Variants in GAB2 observed in about 807,000 individuals in gnomAD.
GAB2 encodes GRB2 associated binding protein 2, also known as GRB2-associated-binding protein 2.
A neutral mutation model predicts 65.5 loss-of-function variants in GAB2; 26 were observed. The observed-to-expected ratio is 0.40, with a 90% CI of 0.29 to 0.55. The LOEUF (loss-of-function observed/expected upper bound fraction) is 0.55, where lower values mean the gene tolerates loss of function less well. Among genes scored for constraint, GAB2 ranks in the 20% least tolerant of loss-of-function variants. The pLI is 0.53. For missense variants in GAB2, 884 were observed against 875.8 expected, an observed-to-expected ratio of 1.01 and a Z score of -0.12; for synonymous variants, 321 against 329.6, an observed-to-expected ratio of 0.97 and a Z score of 0.28.
At chr11:78,277,205 C>T (rs1242202213) in intron 2 of GAB2, among the ~76,000 whole-genome samples, 1 of 152,204 alleles carries the variant, frequency 6.6e-6, no homozygotes, top group Non-Finnish European at 1.5e-5. Flanking sequence ...CCTCTAATCC[C>T]ACAAGAAAAT....
rs566474842 is a variant in GAB2, at chr11:78,280,940, A to G, written c.76-39T>C. 4 of 1,535,382 alleles carry G rather than the reference A, an allele frequency of 2.6e-6. No individual in the cohort carries two copies. The African/African-American group carries it at 4.1e-5, about 16-fold the overall frequency. On this transcript the variant is annotated intron_variant, in intron 1 of 9. Transcript: ENST00000361507. ...GGAAGGAGTAAGAAGAGGGGGAAGAAGTCATTAGTTATTTCAAAGCTTTTT... is the reference window on the plus strand; with the variant it reads ...GGAAGGAGTAAGAAGAGGGGGAAGAGGTCATTAGTTATTTCAAAGCTTTTT...
chr11:78,341,362 G>A (rs547275640), intron 1 of GAB2, among the ~76,000 whole-genome samples: 1 of 152,316 alleles, frequency 6.6e-6, no homozygotes, highest in South Asian at 2.1e-4. Context: ...TAGGGAATAA[G>A]TATAGAATAC....
chr11:78,228,145 T>C (rs1186890035), intron 3 of GAB2, among the ~76,000 whole-genome samples: 1 of 152,170 alleles, frequency 6.6e-6, no homozygotes, highest in Non-Finnish European at 1.5e-5. Flanking sequence ...TACGTCACAA[T>C]GATTTCTAAG....
intron 1 of GAB2, among the ~76,000 whole-genome samples, chr11:78,372,907 C>T (rs1334961009): frequency 2.0e-5 from 3 of 152,102 alleles, no homozygotes; most frequent in Admixed American, 6.6e-5. Context: ...GAAGATTCAG[C>T]GTGTCTTCCC....
intron 2 of GAB2, among the ~76,000 whole-genome samples, chr11:78,255,120 A>G (rs1865561931): frequency 6.6e-6 from 1 of 152,154 alleles, no homozygotes; most frequent in Non-Finnish European, 1.5e-5. Context: ...ACACAGAGAC[A>G]GAGAAACACA....
rs775195263 is a variant in GAB2 at position 78,280,873 on chromosome 11, C to T, written c.104G>A (p.Arg35Gln). Residue 35 changes from arginine (R) to glutamine (Q), a missense_variant, in exon 2 of 10, where the codon CGG becomes CAG. Coordinates refer to ENST00000361507, the MANE Select transcript of GAB2 (RefSeq NM_080491.3). ...TGGGTCACCGCTCATCCGGCCACTC[C>T]GCAGGATAAACCAGCGTTTCTTCCA... ...YAWKKRWFIL[R>Q]SGRMSGDPDV... 8.1e-6 allele frequency: 13 copies of T among 1,613,902 alleles called. No individual in the cohort carries two copies. The highest frequency in any genetic ancestry group is 2.2e-5 in the East Asian group (1 of 44,894).
chr11:78,408,973 C>T (rs1857090367), intron 1 of GAB2, among the ~76,000 whole-genome samples: 1 of 152,182 alleles, frequency 6.6e-6, no homozygotes, highest in African/African-American at 2.4e-5. Flanking sequence ...TAGTTCTTTA[C>T]AGCAGTGCGA....
chr11:78,377,284 T>A (rs1217104723), intron 1 of GAB2, among the ~76,000 whole-genome samples: 3 of 152,250 alleles, frequency 2.0e-5, no homozygotes, highest in African/African-American at 7.2e-5. Context: ...CAGTGTCTGG[T>A]GACGGCCCTT....
intron 1 of GAB2, among the ~76,000 whole-genome samples, chr11:78,379,150 T>C (rs1178348407): frequency 6.6e-6 from 1 of 152,254 alleles, no homozygotes; most frequent in East Asian, 1.9e-4. Context: ...ACTCCTCCTG[T>C]TCACATTACT....
At chr11:78,366,834 G>A (rs1326691203) in intron 1 of GAB2, among the ~76,000 whole-genome samples, 2 of 150,946 alleles carry the variant, frequency 1.3e-5, no homozygotes, top group South Asian at 2.1e-4. Flanking sequence ...AACTCAAATG[G>A]TTGCTTCTCA....
chr11:78,241,512 C>T (rs758648022), intron 3 of GAB2, among the ~76,000 whole-genome samples: 39 of 151,494 alleles, frequency 2.6e-4, no homozygotes, highest in Non-Finnish European at 3.8e-4. Flanking sequence ...AAAATAATGA[C>T]CTTAAGAAAA....
chr11:78,384,662 G>C (rs577980935), intron 1 of GAB2, among the ~76,000 whole-genome samples: 3 of 152,278 alleles, frequency 2.0e-5, no homozygotes, highest in Admixed American at 2.0e-4. Context: ...CTCTTGAGAG[G>C]AACAACAGTG....
intron 1 of GAB2, among the ~76,000 whole-genome samples, chr11:78,286,352 C>T (rs566736462): frequency 7.2e-5 from 11 of 152,030 alleles, no homozygotes; most frequent in Non-Finnish European, 1.6e-4. Context: ...ATTGACTCCC[C>T]CAGGTAGAGC....
At chr11:78,221,038 T>A (rs1454661069) in intron 8 of GAB2, among the ~76,000 whole-genome samples, 4 of 152,174 alleles carry the variant, frequency 2.6e-5, no homozygotes, top group African/African-American at 7.2e-5. Flanking sequence ...AAGCCCGCAT[T>A]TCTTCAGATG....
At chr11:78,324,818 C>T (rs1855793845) in intron 1 of GAB2, 1 of 152,202 alleles carries the variant, frequency 6.6e-6, no homozygotes, top group Non-Finnish European at 1.5e-5. Flanking sequence ...CTGGATAAAA[C>T]TCCCAAAGGA....
intron 2 of GAB2, among the ~76,000 whole-genome samples, chr11:78,263,637 A>G (rs753243540): frequency 0.021 from 1,404 of 65,566 alleles, 15 homozygotes; most frequent in African/African-American, 0.089. Context: ...TGTCTGGGGG[A>G]AAAAAAAAAA....
At chr11:78,338,306 T>C (rs530431971) in intron 1 of GAB2, among the ~76,000 whole-genome samples, 2 of 152,296 alleles carry the variant, frequency 1.3e-5, no homozygotes, top group Admixed American at 6.5e-5. Context: ...CATGTCACAG[T>C]TCTGAATAAT....
chr11:78,261,518 A>G (rs1164212501), intron 2 of GAB2, among the ~76,000 whole-genome samples: 3 of 152,204 alleles, frequency 2.0e-5, no homozygotes, highest in Non-Finnish European at 4.4e-5. Context: ...TTAGCCATGC[A>G]CTGTGCTGTT....
intron 2 of GAB2, among the ~76,000 whole-genome samples, chr11:78,265,535 T>C (rs1865853695): frequency 6.6e-6 from 1 of 152,170 alleles, no homozygotes; most frequent in South Asian, 2.1e-4. Context: ...ATGAAGAATT[T>C]TGTTCACTGA....
Sources: gnomAD v4.1 joint callset for allele counts (sites outside exome capture counted in the v4.1 genomes callset) on GRCh38, gnomAD v4.1.1 for gene constraint, MANE v1.5 for transcripts, NCBI Gene and HGNC (gene_info 2026-07-23, HGNC 2026-07-21) for gene names.